Variants in DENND1A observed in about 807,000 individuals in gnomAD.
DENND1A encodes DENN domain-containing protein 1A.
In DENND1A, 51 loss-of-function variants were observed where a neutral mutation model predicts 113.7. The ratio of observed to expected loss-of-function variants is 0.45; its 90% CI spans 0.36 to 0.57. The LOEUF (loss-of-function observed/expected upper bound fraction) is 0.57. Ranked by LOEUF, DENND1A falls within the 20% of genes least tolerant of loss-of-function variation. The pLI is 0.00. For missense variants in DENND1A, 1,258 were observed against 1,395.9 expected (o/e 0.90, Z 1.57); for synonymous variants, 565 against 570.8 (o/e 0.99, Z 0.14).
rs564426104 is a variant in DENND1A at position 123,923,198 on chromosome 9, G to C, written c.17+6691C>G. Among the ~76,000 whole-genome samples the C allele has an allele frequency of 3.3e-5, 5 of 152,318 alleles. 1 individual carries two copies. In the East Asian group the frequency reaches 9.6e-4, roughly 29 times the overall value. ...AGCAATACTCCAGGTCTTACCTTCT[G>C]TTTCAACCTTCCTATCTGCTGTACA... On this transcript the variant is annotated intron_variant, in intron 1 of 23. Coordinates refer to ENST00000394215, the MANE Select transcript of DENND1A (RefSeq NM_001352964.2).
At chr9:123,402,509 TG>T (rs1163069129) in intron 21 of DENND1A, 3 of 534,816 alleles carry the variant, frequency 5.6e-6, no homozygotes, top group Non-Finnish European at 1.2e-5. Context: ...CAGACAGACA[TG>T]GGGGCCTCCC....
rs1405017005 is a variant in DENND1A, at chr9:123,652,046, G to T, written c.585C>A (p.Arg195=). 1.9e-6 allele frequency: 3 copies of T among 1,614,058 alleles called. No individual in the cohort carries two copies. Among genetic ancestry groups the T allele is most frequent in the Non-Finnish European group, 2.5e-6 (3 of 1,180,004 alleles). ...LHLYASMLYE[R]RILIICSKLS... is the part of the protein sequence containing the mutation. The stretch of plus-strand genomic sequence containing the variant: ...GTTTGCTGCAAATGATGAGTATCCG[G>T]CGTTCGTACAGCATACTGGCGTACA... Residue 195 remains arginine (R), a synonymous_variant, in exon 9 of 24, where the codon CGC becomes CGA. Transcript: ENST00000394215.
At chr9:123,796,874 G>C (rs1011472410) in intron 2 of DENND1A, among the ~76,000 whole-genome samples, 1 of 151,694 alleles carries the variant, frequency 6.6e-6, no homozygotes, top group Non-Finnish European at 1.5e-5. Flanking sequence ...TTTTTAAACT[G>C]ATTAAAAAAT....
intron 2 of DENND1A, among the ~76,000 whole-genome samples, chr9:123,830,606 T>C (rs1399003838): frequency 1.3e-5 from 2 of 151,544 alleles, no homozygotes; most frequent in Non-Finnish European, 2.9e-5. Context: ...GGCTCACAAG[T>C]GTAATCCCAG....
chr9:123,719,940 C>T lies in DENND1A; in HGVS notation c.302+37763G>A, dbSNP rs573895344. ...AATTTTCAGATAAGGGATGCTCAAC[C>T]TGTAGCAAATGAAGATAGCAATACT... On this transcript the variant is annotated intron_variant, in intron 5 of 23. Transcript: ENST00000394215. 7.2e-4 allele frequency among the ~76,000 whole-genome samples: 109 copies of T among 152,250 alleles called. 1 individual carries two copies. Among genetic ancestry groups the T allele is most frequent in the Admixed American group, 2.4e-3 (37 of 15,302 alleles).
At chr9:123,899,834 C>A (rs1355666146) in intron 1 of DENND1A, among the ~76,000 whole-genome samples, 1 of 152,162 alleles carries the variant, frequency 6.6e-6, no homozygotes, top group East Asian at 1.9e-4. Context: ...AAAAGTAGGC[C>A]ATTGGGACAC....
At chr9:123,495,664 G>C (rs2051849485) in intron 13 of DENND1A, among the ~76,000 whole-genome samples, 2 of 152,184 alleles carry the variant, frequency 1.3e-5, no homozygotes, top group South Asian at 4.1e-4. Flanking sequence ...TAGACTGTTA[G>C]ATTCTTTTAA....
chr9:123,577,207 T>C (rs2058680169), intron 12 of DENND1A, among the ~76,000 whole-genome samples: 1 of 152,216 alleles, frequency 6.6e-6, no homozygotes, highest in South Asian at 2.1e-4. Context: ...GAGGAGTTTT[T>C]ATTGCTATAT....
At chr9:123,594,842 G>A (rs1467861095) in intron 11 of DENND1A, among the ~76,000 whole-genome samples, 1 of 152,164 alleles carries the variant, frequency 6.6e-6, no homozygotes, top group African/African-American at 2.4e-5. Context: ...GAACAGCATG[G>A]GAAGCTGGTG....
chr9:123,576,795 A>G (rs2058662513), intron 12 of DENND1A, among the ~76,000 whole-genome samples: 1 of 152,216 alleles, frequency 6.6e-6, no homozygotes, highest in South Asian at 2.1e-4. Flanking sequence ...CTGGGTTGAT[A>G]AAAATTATCT....
At chr9:123,472,613 C>T (rs1292168615) in intron 13 of DENND1A, among the ~76,000 whole-genome samples, 1 of 152,140 alleles carries the variant, frequency 6.6e-6, no homozygotes, top group East Asian at 1.9e-4. Flanking sequence ...GAAACATGCC[C>T]AGGAGGCTTC....
At chr9:123,804,904 T>C (rs915266252) in intron 2 of DENND1A, among the ~76,000 whole-genome samples, 1 of 152,252 alleles carries the variant, frequency 6.6e-6, no homozygotes, top group African/African-American at 2.4e-5. Context: ...TCTAGAGGAA[T>C]CCTGTAAAAC....
intron 11 of DENND1A, among the ~76,000 whole-genome samples, chr9:123,603,980 A>G (rs2060041514): frequency 6.6e-6 from 1 of 152,230 alleles, no homozygotes; most frequent in Non-Finnish European, 1.5e-5. Context: ...GTGGTTTCCA[A>G]GCATTTTATA....
intron 13 of DENND1A, among the ~76,000 whole-genome samples, chr9:123,490,675 T>TA (rs148526303): frequency 0.059 from 8,725 of 148,576 alleles, 801 homozygotes; most frequent in African/African-American, 0.2. Context: ...AGTAGCACAT[T>TA]AAAAAAAAAA....
chr9:123,732,792 G>A (rs966850098), intron 5 of DENND1A, among the ~76,000 whole-genome samples: 3 of 152,182 alleles, frequency 2.0e-5, no homozygotes, highest in Non-Finnish European at 4.4e-5. Context: ...GCTCTGGAAT[G>A]AGAATCCTGC....
At chr9:123,751,154 C>T (rs976343876) in intron 5 of DENND1A, 2 of 152,232 alleles carry the variant, frequency 1.3e-5, no homozygotes, top group Admixed American at 1.3e-4. Context: ...AGCCAAAGTT[C>T]TTAAAGCCAG....
At chr9:123,552,028 A>AGAGAGAGAGCGAGAGC (rs2057101259) in intron 13 of DENND1A, among the ~76,000 whole-genome samples, 1 of 140,686 alleles carries the variant, frequency 7.1e-6, no homozygotes, top group African/African-American at 2.7e-5. Flanking sequence ...CGAGAGAGAG[A>AGAGAGAGAGCGAGAGC]GAGAGAGAGA....
intron 5 of DENND1A, among the ~76,000 whole-genome samples, chr9:123,738,850 C>T (rs552125391): frequency 6.6e-6 from 1 of 152,268 alleles, no homozygotes; most frequent in Admixed American, 6.5e-5. Flanking sequence ...AATACTAACA[C>T]AGAGCTTGAA....
chr9:123,591,349 A>G (rs1230296671), intron 11 of DENND1A, among the ~76,000 whole-genome samples: 1 of 152,264 alleles, frequency 6.6e-6, no homozygotes, highest in East Asian at 1.9e-4. Flanking sequence ...GCAAGCCACA[A>G]GATGAAAGGC....
Sources: allele counts gnomAD v4.1 joint callset (sites outside exome capture counted in the v4.1 genomes callset), GRCh38; gene constraint gnomAD v4.1.1; transcripts MANE v1.5; gene names NCBI Gene and HGNC (gene_info 2026-07-23, HGNC 2026-07-21).